Variants in TRABD2B observed in about 807,000 individuals in gnomAD.
The protein encoded by TRABD2B is TraB domain containing 2B, also known as metalloprotease TIKI2.
Under a neutral mutation model 40.1 loss-of-function variants are expected in TRABD2B, and 14 were observed. That is an observed-to-expected ratio of 0.35 (90% CI 0.23 to 0.55). The LOEUF (loss-of-function observed/expected upper bound fraction) is 0.55, where lower values mean the gene tolerates loss of function less well. Ranked by LOEUF, TRABD2B falls within the 20% of genes least tolerant of loss-of-function variation. TRABD2B has a pLI of 0.90. For missense variants in TRABD2B, 541 were observed against 648.6 expected, an observed-to-expected ratio of 0.83 and a Z score of 1.80; for synonymous variants, 263 against 277.0, an observed-to-expected ratio of 0.95 and a Z score of 0.50.
At chr1:47,909,569 AG>A in intron 2 of TRABD2B, among the ~76,000 whole-genome samples, 1 of 84,918 alleles carries the variant, frequency 1.2e-5, no homozygotes, top group African/African-American at 5.4e-5. Context: ...AAGGAGGAGG[AG>A]GAGGAGGAGG....
chr1:47,960,014 C>T (rs1189399661), intron 2 of TRABD2B, among the ~76,000 whole-genome samples: 1 of 152,174 alleles, frequency 6.6e-6, no homozygotes, highest in African/African-American at 2.4e-5. Context: ...GCTTATCCAC[C>T]ACGATCAAGC....
chr1:47,958,125 G>A (rs1255529193), intron 2 of TRABD2B, among the ~76,000 whole-genome samples: 1 of 151,112 alleles, frequency 6.6e-6, no homozygotes, highest in African/African-American at 2.4e-5. Flanking sequence ...CATAAGTGAA[G>A]GAGAAATAAA....
chr1:47,775,375 G>C lies in TRABD2B; in HGVS notation c.1144C>G (p.Pro382Ala). The C allele has an allele frequency of 8.1e-7, 1 of 1,237,826 alleles. No homozygotes were observed. The allele number at this position is 1,237,826 out of a possible 1,614,324, so 76.7% of individuals were successfully genotyped here. A position where few individuals can be genotyped will look rare whatever the true frequency, so the allele number is the denominator to read the frequency against. ...GGTGCTTCGGGGACAGCGGCAGCTG[G>C]GGTCACTGGGGCCGGGCTCGTCGAG... ...GTSTSPAPVT[P>A]AAAVPEAPSV... Residue 382 changes from proline (P) to alanine (A), a missense_variant, in exon 6 of 7, where the codon CCA becomes GCA. Coordinates refer to ENST00000606738, the MANE Select transcript of TRABD2B (RefSeq NM_001194986.2).
chr1:47,873,518 A>G (rs553389747), intron 2 of TRABD2B, among the ~76,000 whole-genome samples: 277 of 152,304 alleles, frequency 1.8e-3, no homozygotes, highest in African/African-American at 6.1e-3. Flanking sequence ...GGCTGGGGCG[A>G]GGGCGTGTGC....
At chr1:47,928,106 T>C (rs1210295901) in intron 2 of TRABD2B, among the ~76,000 whole-genome samples, 2 of 152,204 alleles carry the variant, frequency 1.3e-5, no homozygotes, top group Admixed American at 6.5e-5. Flanking sequence ...TTCTAGTCCA[T>C]GGAACGTAAC....
chr1:47,839,136 C>T (rs1293369282), intron 2 of TRABD2B, among the ~76,000 whole-genome samples: 1 of 152,144 alleles, frequency 6.6e-6, no homozygotes, highest in East Asian at 1.9e-4. Flanking sequence ...ATCATGGATG[C>T]CAGTGCTCTG....
intron 2 of TRABD2B, among the ~76,000 whole-genome samples, chr1:47,826,513 T>C (rs933313890): frequency 2.6e-5 from 4 of 152,148 alleles, no homozygotes; most frequent in Non-Finnish European, 5.9e-5. Context: ...ATGTTAAACA[T>C]ACAAAGAGTT....
At chr1:47,915,882 C>A (rs1444587021) in intron 2 of TRABD2B, among the ~76,000 whole-genome samples, 1 of 152,228 alleles carries the variant, frequency 6.6e-6, no homozygotes, top group Non-Finnish European at 1.5e-5. Flanking sequence ...CAGGCGGTGA[C>A]CCCAAGCTGC....
At chr1:47,870,640 G>T (rs1300026981) in intron 2 of TRABD2B, among the ~76,000 whole-genome samples, 1 of 152,198 alleles carries the variant, frequency 6.6e-6, no homozygotes, top group Admixed American at 6.5e-5. Flanking sequence ...CCTTGTGCTT[G>T]TGTTAGTGAC....
chr1:47,962,065 G>T (rs1356983606), intron 2 of TRABD2B, among the ~76,000 whole-genome samples: 3 of 152,120 alleles, frequency 2.0e-5, no homozygotes, highest in African/African-American at 4.8e-5. Context: ...CCTTTGTAGG[G>T]ACATGGATGA....
In TRABD2B at chr1:47,897,883, T is replaced by C. The variant is rs568169849; in HGVS notation, c.666+96151A>G. Reference sequence around the variant, plus strand: ...ATTATTGGTAAGGATTAAACTAACATGTAAAAATCCCTTGCAAAGGATAGC... The same window carrying C: ...ATTATTGGTAAGGATTAAACTAACACGTAAAAATCCCTTGCAAAGGATAGC... On this transcript the variant is annotated intron_variant, in intron 2 of 6. Transcript: ENST00000606738. 1.1e-4 allele frequency among the ~76,000 whole-genome samples: 17 copies of C among 152,270 alleles called. No homozygotes were observed. In the East Asian group the frequency reaches 1.5e-3, roughly 14 times the overall value.
intron 2 of TRABD2B, among the ~76,000 whole-genome samples, chr1:47,879,884 C>A (rs1386852419): frequency 6.6e-6 from 1 of 152,200 alleles, no homozygotes; most frequent in African/African-American, 2.4e-5. Flanking sequence ...GGGGAGGCCA[C>A]CCCTGCCAGG....
At chr1:47,866,192 A>C (rs1644054835) in intron 2 of TRABD2B, among the ~76,000 whole-genome samples, 1 of 151,714 alleles carries the variant, frequency 6.6e-6, no homozygotes, top group Admixed American at 6.6e-5. Context: ...ATAAAACATC[A>C]GGAACAAGCA....
At chr1:47,956,640 C>T (rs150406035) in intron 2 of TRABD2B, among the ~76,000 whole-genome samples, 320 of 152,304 alleles carry the variant, frequency 2.1e-3, no homozygotes, top group African/African-American at 6.8e-3. Context: ...AACTGCAAGG[C>T]GGCAGGGAGG....
intron 2 of TRABD2B, among the ~76,000 whole-genome samples, chr1:47,918,236 T>C (rs1483639387): frequency 2.0e-5 from 3 of 152,226 alleles, no homozygotes; most frequent in Middle Eastern, 3.2e-3. Flanking sequence ...CTGTGAATGC[T>C]TTATGTGTCT....
At chr1:47,894,450 C>T (rs1459833042) in intron 2 of TRABD2B, among the ~76,000 whole-genome samples, 1 of 152,206 alleles carries the variant, frequency 6.6e-6, no homozygotes, top group African/African-American at 2.4e-5. Context: ...TCACTAGCCT[C>T]ACAGGGATTA....
intron 2 of TRABD2B, among the ~76,000 whole-genome samples, chr1:47,810,296 C>T (rs1644946997): frequency 6.6e-6 from 1 of 152,116 alleles, no homozygotes; most frequent in South Asian, 2.1e-4. Context: ...CCTGAGCCTC[C>T]TGGACTCAAG....
intron 2 of TRABD2B, among the ~76,000 whole-genome samples, chr1:47,868,456 G>A (rs1241384407): frequency 6.6e-6 from 1 of 152,172 alleles, no homozygotes; most frequent in Non-Finnish European, 1.5e-5. Flanking sequence ...TCCATGGCCT[G>A]CGAGGAACTG....
At chr1:47,920,737 A>T (rs914495940) in intron 2 of TRABD2B, among the ~76,000 whole-genome samples, 2 of 152,144 alleles carry the variant, frequency 1.3e-5, no homozygotes, top group African/African-American at 4.8e-5. Flanking sequence ...TCTTTTCCTT[A>T]TTGGTGTTTC....
Sources: allele counts gnomAD v4.1 joint callset (sites outside exome capture counted in the v4.1 genomes callset), GRCh38; gene constraint gnomAD v4.1.1; transcripts MANE v1.5; gene names NCBI Gene and HGNC (gene_info 2026-07-23, HGNC 2026-07-21).